Variants in TNS1 observed in about 807,000 individuals in gnomAD.
The protein encoded by TNS1 is tensin 1, also known as tensin-1.
Under a neutral mutation model 168.6 loss-of-function variants are expected in TNS1, and 62 were observed. The ratio of observed to expected loss-of-function variants is 0.37; its 90% confidence interval spans 0.30 to 0.45. The LOEUF is 0.45. Ranked by LOEUF, TNS1 falls within the 20% of genes least tolerant of loss-of-function variation. The pLI, the probability that TNS1 is intolerant of heterozygous loss-of-function variation, is 1.00. For synonymous variants in TNS1, 934 were observed against 933.2 expected (o/e 1.00, Z -0.02); for missense variants, 2,240 against 2,339.4 (o/e 0.96, Z 0.88).
chr2:218,002,469 AG>A (rs552097048), intron 1 of TNS1, among the ~76,000 whole-genome samples: 106 of 151,088 alleles, frequency 7.0e-4, no homozygotes, highest in African/African-American at 2.2e-3. Flanking sequence ...TCAGCAACTG[AG>A]GGGGGGCGGT....
chr2:217,895,588 T>A (rs1044016321), intron 8 of TNS1, among the ~76,000 whole-genome samples: 4 of 152,188 alleles, frequency 2.6e-5, no homozygotes, highest in Non-Finnish European at 5.9e-5. Flanking sequence ...CCTCATCCCA[T>A]GAGGTTGCAA....
At chr2:217,945,177 G>A (rs1014201465) in intron 3 of TNS1, among the ~76,000 whole-genome samples, 2 of 152,166 alleles carry the variant, frequency 1.3e-5, no homozygotes, top group African/African-American at 2.4e-5. Context: ...CTTCTCTTCC[G>A]CATCTGGGTC....
chr2:217,949,398 T>A (rs919680626), intron 3 of TNS1, among the ~76,000 whole-genome samples: 33 of 152,252 alleles, frequency 2.2e-4, no homozygotes, highest in Non-Finnish European at 7.3e-5. Context: ...ACCACTGGCA[T>A]CAGCCTGGAT....
At chr2:217,957,267 A>G (rs906066051) in intron 3 of TNS1, among the ~76,000 whole-genome samples, 3 of 152,148 alleles carry the variant, frequency 2.0e-5, no homozygotes, top group South Asian at 2.1e-4. Context: ...GAGATGAGGT[A>G]TCCAGTGAAG....
intron 3 of TNS1, among the ~76,000 whole-genome samples, chr2:217,933,119 C>T (rs1210383753): frequency 6.6e-6 from 1 of 152,208 alleles, no homozygotes; most frequent in Non-Finnish European, 1.5e-5. Context: ...CAGAGTAGGC[C>T]TGGCTGTCAC....
At chr2:217,912,418 C>T (rs1335192797) in intron 4 of TNS1, among the ~76,000 whole-genome samples, 1 of 149,976 alleles carries the variant, frequency 6.7e-6, no homozygotes, top group Non-Finnish European at 1.5e-5. Flanking sequence ...CCGACTCTTG[C>T]CCCCTGGGAG....
intron 16 of TNS1, among the ~76,000 whole-genome samples, chr2:217,884,456 A>T (rs1030764561): frequency 2.6e-5 from 4 of 152,158 alleles, no homozygotes; most frequent in Admixed American, 6.5e-5. Flanking sequence ...TAAAAGAAAG[A>T]AGCAAAAGCA....
chr2:217,977,864 T>C (rs565589661), intron 3 of TNS1, among the ~76,000 whole-genome samples: 44 of 152,166 alleles, frequency 2.9e-4, no homozygotes, highest in African/African-American at 8.7e-4. Context: ...AGAGCAAACG[T>C]AGGGAGTGAA....
intron 3 of TNS1, among the ~76,000 whole-genome samples, chr2:217,977,659 G>T (rs139428795): frequency 1.8e-3 from 277 of 152,296 alleles, no homozygotes; most frequent in South Asian, 5.6e-3. Context: ...ACTTTATGAG[G>T]TAGGCTTCTT....
At chr2:218,028,247 C>A (rs564999596) in intron 1 of TNS1, among the ~76,000 whole-genome samples, 1 of 152,330 alleles carries the variant, frequency 6.6e-6, no homozygotes, top group South Asian at 2.1e-4. Context: ...TACTCCACCC[C>A]CCATTCCCAC....
chr2:217,837,947 G>A lies in TNS1; in HGVS notation c.3008-1736C>T, dbSNP rs56192238. Among the ~76,000 whole-genome samples, 90 of 152,332 alleles carry A rather than the reference G, an allele frequency of 5.9e-4. No individual in the cohort carries two copies. The Middle Eastern group carries it at 0.02, about 35-fold the overall frequency. On this transcript the variant is annotated intron_variant, in intron 19 of 32. Transcript: ENST00000682258. ...CTCCCCGGAGCCCCCATCCCACTCA[G>A]GTCTCCTGGGCAGCTTGGACCAACA...
chr2:217,921,212 C>G (rs1203010776), intron 3 of TNS1, among the ~76,000 whole-genome samples: 1 of 152,210 alleles, frequency 6.6e-6, no homozygotes, highest in Non-Finnish European at 1.5e-5. Context: ...CAGTCCTCAA[C>G]CTTGGCTCCG....
chr2:217,897,151 G>C (rs1247764334), intron 8 of TNS1, among the ~76,000 whole-genome samples: 1 of 152,138 alleles, frequency 6.6e-6, no homozygotes, highest in Non-Finnish European at 1.5e-5. Flanking sequence ...CAGTCCACAG[G>C]CACCTCCCTC....
intron 3 of TNS1, among the ~76,000 whole-genome samples, chr2:217,924,865 G>A (rs1955931319): frequency 6.6e-6 from 1 of 152,216 alleles, no homozygotes; most frequent in African/African-American, 2.4e-5. Context: ...GTCTGGCGCA[G>A]TGGTTATGCA....
intron 3 of TNS1, among the ~76,000 whole-genome samples, chr2:217,972,437 A>G (rs1277677138): frequency 6.6e-6 from 1 of 152,254 alleles, no homozygotes; most frequent in Non-Finnish European, 1.5e-5. Context: ...ACTAGCAGGA[A>G]AGGTAATCTG....
intron 32 of TNS1, among the ~76,000 whole-genome samples, chr2:217,806,258 C>A (rs1189470356): frequency 6.6e-6 from 1 of 152,256 alleles, no homozygotes; most frequent in Non-Finnish European, 1.5e-5. Flanking sequence ...GGAATAGATC[C>A]AGGCAAGAAG....
chr2:217,978,305 C>T (rs1461690465), intron 3 of TNS1, among the ~76,000 whole-genome samples: 1 of 152,204 alleles, frequency 6.6e-6, no homozygotes, highest in African/African-American at 2.4e-5. Context: ...TTTATCCCAC[C>T]CACCCGCTTC....
intron 18 of TNS1, among the ~76,000 whole-genome samples, chr2:217,851,529 C>T (rs1302427393): frequency 6.6e-6 from 1 of 152,066 alleles, no homozygotes; most frequent in Non-Finnish European, 1.5e-5. Flanking sequence ...CACCCCTCTG[C>T]CCCCAGTTTT....
In TNS1 at chr2:217,906,367, C is replaced by G. The variant is rs186973315; in HGVS notation, c.289G>C (p.Gly97Arg). 2.8e-6 allele frequency: 2 copies of G among 702,606 alleles called. No homozygotes were observed. Among genetic ancestry groups the G allele is most frequent in the Non-Finnish European group, 5.2e-6 (2 of 384,892 alleles). The allele number at this position is 702,606 out of a possible 1,614,324, so 43.5% of individuals were successfully genotyped here. A position where few individuals can be genotyped will look rare whatever the true frequency, so the allele number is the denominator to read the frequency against. ...TCGAGGCTTTTCCGTGTGTTTCCAC[C>G]CCGGGAGGCTCCTTCTCCCTGCAGA... ...VVDKGEGASRGGNTRKSLEDN... is the reference protein window; with the variant it reads ...VVDKGEGASRRGNTRKSLEDN... Residue 97 changes from glycine to arginine, a missense_variant, in exon 6 of 33, where the codon GGT becomes CGT. Physicochemically the swap from Gly to Arg is moderately radical, Grantham distance 125. This residue lies in a region of TNS1 where 2,131 missense variants were observed against 2,171.2 expected (regional missense o/e 0.98). Coordinates refer to ENST00000682258, the MANE Select transcript of TNS1 (RefSeq NM_001387777.1).
Sources: allele counts gnomAD v4.1 joint callset (sites outside exome capture counted in the v4.1 genomes callset), GRCh38; gene constraint gnomAD v4.1.1; regional missense constraint gnomAD v4.1.1; transcripts MANE v1.5; gene names NCBI Gene and HGNC (gene_info 2026-07-23, HGNC 2026-07-21).